The following POU3F3 variants were observed in gnomAD, a reference collection of about 807,000 sequenced individuals.
POU3F3 encodes POU class 3 homeobox 3.
POU3F3 carries 1 observed loss-of-function variant against 8.6 expected under a neutral mutation model. That is an observed-to-expected ratio of 0.12 (90% CI 0.04 to 0.55). The LOEUF is 0.55. POU3F3 is among the 20% of genes least tolerant of loss of function. POU3F3 has a pLI of 0.91. For synonymous variants in POU3F3, 418 were observed against 327.4 expected, an observed-to-expected ratio of 1.28 and a Z score of -2.99; for missense variants, 577 against 690.7, an observed-to-expected ratio of 0.84 and a Z score of 1.84.
rs1478034064 is a variant in POU3F3 at position 104,855,647 on chromosome 2, G to A, written c.137G>A (p.Gly46Asp). The change falls in exon 1 of 1, where the codon GGC becomes GAC. Residue 46 changes from glycine (G) to aspartate (D), a missense_variant. By Grantham distance (94) the Gly-to-Asp change is moderately conservative. This residue lies in a region of POU3F3 where 484 missense variants were observed against 422.6 expected (regional missense o/e 1.15). Coordinates refer to ENST00000361360, the MANE Select transcript of POU3F3 (RefSeq NM_006236.3). ...GGCGGCGGCGGGGGCGGCGCAGGGG[G>A]CGGGGGCGGCGGCATGCAGCCGGGC... is the stretch of plus-strand genomic sequence containing the variant. The part of the protein sequence containing the change: ...GGGGGGGGAG[G>D]GGGGMQPGSA... The A allele has an allele frequency of 2.0e-6, 2 of 993,920 alleles. No homozygotes were observed. The highest frequency in any genetic ancestry group is 2.4e-6 in the Non-Finnish European group (2 of 835,564). 61.6% of individuals were successfully genotyped at this position (993,920 alleles called of 1,614,324 possible).
At chr2:104,892,387 T>C in the POU3F3 span, among the ~76,000 whole-genome samples, 1 of 152,154 alleles carries the variant, frequency 6.6e-6, no homozygotes, top group Admixed American at 6.5e-5. Flanking sequence ...AGCAACCAAG[T>C]CACTTTAGTA....
At chr2:104,873,886 T>C in the POU3F3 span, among the ~76,000 whole-genome samples, 2 of 152,176 alleles carry the variant, frequency 1.3e-5, no homozygotes, top group East Asian at 1.9e-4. Context: ...CCTTCGGGCG[T>C]TCCCTAAGGC....
the POU3F3 span, among the ~76,000 whole-genome samples, chr2:104,887,666 T>C: frequency 0.029 from 4,370 of 152,278 alleles, 205 homozygotes; most frequent in African/African-American, 0.1. Context: ...GAAAATCTTA[T>C]TCATTTGTGA....
At chr2:104,892,687 G>A in the POU3F3 span, among the ~76,000 whole-genome samples, 12 of 151,062 alleles carry the variant, frequency 7.9e-5, no homozygotes, top group Admixed American at 5.9e-4. Flanking sequence ...GTGTGTGTGT[G>A]TATATATATA....
the POU3F3 span, among the ~76,000 whole-genome samples, chr2:104,919,704 A>G: frequency 1.3e-5 from 2 of 152,068 alleles, no homozygotes; most frequent in Admixed American, 1.3e-4. Flanking sequence ...GAAGCCACAC[A>G]ATGTATTTGA....
At chr2:104,916,041 C>T in the POU3F3 span, among the ~76,000 whole-genome samples, 1 of 152,072 alleles carries the variant, frequency 6.6e-6, no homozygotes, top group African/African-American at 2.4e-5. Context: ...ACCATCGGTG[C>T]CCTCAGATCA....
upstream of POU3F3, chr2:104,853,779 T>G (rs2104337286): frequency 6.6e-6 from 1 of 151,112 alleles, no homozygotes; most frequent in South Asian, 2.1e-4. Flanking sequence ...CCAGACCTAT[T>G]GCGAACGCCC....
the POU3F3 span, among the ~76,000 whole-genome samples, chr2:104,920,715 C>A: frequency 6.6e-6 from 1 of 152,112 alleles, no homozygotes; most frequent in Non-Finnish European, 1.5e-5. Context: ...GTATCAGATT[C>A]TATTTTATTT....
Position 104,857,129 on chromosome 2 carries a change from G to A in POU3F3, c.*116G>A. The A allele has an allele frequency of 2.1e-6, 2 of 959,860 alleles. No homozygotes were observed. Among genetic ancestry groups the A allele is most frequent in the Non-Finnish European group, 2.5e-6 (2 of 808,126 alleles). The allele number at this position is 959,860 out of a possible 1,614,324, so 59.5% of individuals were successfully genotyped here. On this transcript the variant is annotated 3_prime_UTR_variant, in exon 1 of 1. Coordinates refer to ENST00000361360, the MANE Select transcript of POU3F3 (RefSeq NM_006236.3). ...CCGCCGCCGCCGCTGCCGCCGCCGCGCCGACCCTGCACCTGGGCCGCTCCG... is the reference window on the plus strand; with the variant it reads ...CCGCCGCCGCCGCTGCCGCCGCCGCACCGACCCTGCACCTGGGCCGCTCCG...
chr2:104,909,224 C>T, the POU3F3 span, among the ~76,000 whole-genome samples: 3 of 152,176 alleles, frequency 2.0e-5, no homozygotes, highest in African/African-American at 7.2e-5. Flanking sequence ...TACCCCAGGG[C>T]CTTAGTCGGC....
Position 104,856,482 on chromosome 2 carries a change from G to A in POU3F3, c.972G>A (p.Gln324=), listed in dbSNP as rs182992623. 9.2e-5 allele frequency: 149 copies of A among 1,613,680 alleles called. No homozygotes were observed. In the East Asian group the frequency reaches 2.9e-3, roughly 31 times the overall value. The change falls in exon 1 of 1, where the codon CAG becomes CAA. Residue 324 remains glutamine, a synonymous_variant. Coordinates refer to ENST00000361360, the MANE Select transcript of POU3F3 (RefSeq NM_006236.3). ...CGCCGACGTCGGACGACCTGGAGCA[G>A]TTCGCCAAGCAGTTCAAGCAGCGGC... The part of the protein sequence containing the change: ...EDTPTSDDLE[Q]FAKQFKQRRI...
At chr2:104,922,409 A>G in the POU3F3 span, among the ~76,000 whole-genome samples, 1 of 151,420 alleles carries the variant, frequency 6.6e-6, no homozygotes, top group Non-Finnish European at 1.5e-5. Context: ...AAAAAAAAAA[A>G]AAAGAAAGGA....
the POU3F3 span, among the ~76,000 whole-genome samples, chr2:104,923,790 CT>C: frequency 1.3e-5 from 2 of 152,168 alleles, no homozygotes; most frequent in Non-Finnish European, 2.9e-5. Context: ...AAGAGACTCA[CT>C]TTAGCTCCAG....
the POU3F3 span, among the ~76,000 whole-genome samples, chr2:104,911,145 G>C: frequency 6.6e-6 from 1 of 152,068 alleles, no homozygotes; most frequent in African/African-American, 2.4e-5. Context: ...CGGGCATGAT[G>C]GCTTACACCT....
At chr2:104,868,162 G>A in the POU3F3 span, 2 of 439,768 alleles carry the variant, frequency 4.5e-6, no homozygotes, top group South Asian at 3.2e-5. Context: ...CACCCCCATG[G>A]GGTTCTGAAG....
chr2:104,856,126 C>G lies in POU3F3; in HGVS notation c.616C>G (p.Leu206Val), dbSNP rs1238181004. 1 of 1,185,356 alleles carries G rather than the reference C, an allele frequency of 8.4e-7. No homozygotes were observed. 73.4% of individuals were successfully genotyped at this position (1,185,356 alleles called of 1,614,324 possible). ...CGCCGCCGCCGCCGCCGCCGCGCAC[C>G]TCCCGTCCATGGCCGGGGGCCAGCA... ...AAAAAAAAAH[L>V]PSMAGGQQPP... The change falls in exon 1 of 1, where the codon CTC becomes GTC. Residue 206 changes from leucine to valine, a missense_variant. Transcript: ENST00000361360.
the POU3F3 span, among the ~76,000 whole-genome samples, chr2:104,916,185 A>C: frequency 6.6e-6 from 1 of 152,202 alleles, no homozygotes; most frequent in Admixed American, 6.5e-5. Flanking sequence ...CATTTTAATA[A>C]TAAAGAGCTC....
chr2:104,880,894 T>C, the POU3F3 span, among the ~76,000 whole-genome samples: 1 of 152,188 alleles, frequency 6.6e-6, no homozygotes, highest in Admixed American at 6.5e-5. Flanking sequence ...AAGTCTGCCC[T>C]GTACCCCTAG....
At chr2:104,897,046 T>C in the POU3F3 span, among the ~76,000 whole-genome samples, 1 of 152,154 alleles carries the variant, frequency 6.6e-6, no homozygotes, top group Non-Finnish European at 1.5e-5. Context: ...CCTTGAAAGC[T>C]TACGGTTAAA....
Sources: allele counts gnomAD v4.1 joint callset (sites outside exome capture counted in the v4.1 genomes callset), GRCh38; gene constraint gnomAD v4.1.1; regional missense constraint gnomAD v4.1.1; transcripts MANE v1.5; gene names NCBI Gene and HGNC (gene_info 2026-07-23, HGNC 2026-07-21).